The following TAFA5 variants were observed in gnomAD, a reference collection of about 807,000 sequenced individuals.
TAFA5 encodes the protein TAFA chemokine like family member 5.
TAFA5 carries 6 observed loss-of-function variants against 15.3 expected under a neutral mutation model. The ratio of observed to expected loss-of-function variants is 0.39; its 90% confidence interval spans 0.21 to 0.77. TAFA5 has a LOEUF of 0.77. Ranked by LOEUF, TAFA5 falls within the 30% of genes least tolerant of loss-of-function variation. The pLI is 0.41. For missense variants in TAFA5, 161 were observed against 193.1 expected, an observed-to-expected ratio of 0.83 and a Z score of 0.98; for synonymous variants, 103 against 80.7, an observed-to-expected ratio of 1.28 and a Z score of -1.48.
At chr22:48,661,466 CG>C (rs1927438421) in intron 2 of TAFA5, among the ~76,000 whole-genome samples, 1 of 152,182 alleles carries the variant, frequency 6.6e-6, no homozygotes, top group Admixed American at 6.5e-5. Flanking sequence ...GCCGGTGCCC[CG>C]AGGGTTTGTC....
At chr22:48,701,163 C>T (rs886985450) in intron 2 of TAFA5, among the ~76,000 whole-genome samples, 7 of 152,190 alleles carry the variant, frequency 4.6e-5, no homozygotes, top group African/African-American at 1.2e-4. Flanking sequence ...AGGACCGGCT[C>T]CTTCCATCCA....
chr22:48,528,863 C>A (rs1236970001), intron 1 of TAFA5, among the ~76,000 whole-genome samples: 2 of 152,114 alleles, frequency 1.3e-5, no homozygotes, highest in African/African-American at 4.8e-5. Flanking sequence ...TTCCTTGGGG[C>A]CCAGAGGCCC....
At chr22:48,547,874 G>A (rs751506860) in intron 1 of TAFA5, among the ~76,000 whole-genome samples, 27 of 152,194 alleles carry the variant, frequency 1.8e-4, no homozygotes, top group South Asian at 1.7e-3. Flanking sequence ...AAATGTCACC[G>A]TTAACTATTG....
At chr22:48,506,784 CA>C (rs1921008712) in intron 1 of TAFA5, among the ~76,000 whole-genome samples, 1 of 152,204 alleles carries the variant, frequency 6.6e-6, no homozygotes, top group Non-Finnish European at 1.5e-5. Context: ...CGGGGGTCCC[CA>C]ACCACCAGGA....
chr22:48,614,571 C>G (rs998626230), intron 1 of TAFA5, among the ~76,000 whole-genome samples: 1 of 152,140 alleles, frequency 6.6e-6, no homozygotes, highest in African/African-American at 2.4e-5. Flanking sequence ...CTCCTTGCCT[C>G]GTGGTTAAAG....
intron 3 of TAFA5, among the ~76,000 whole-genome samples, chr22:48,729,310 A>G (rs1183667662): frequency 1.5e-5 from 2 of 135,020 alleles, no homozygotes; most frequent in African/African-American, 5.2e-5. Flanking sequence ...TTATTTATAA[A>G]TATATAATAT....
At chr22:48,513,595 A>T (rs1414438075) in intron 1 of TAFA5, among the ~76,000 whole-genome samples, 1 of 152,226 alleles carries the variant, frequency 6.6e-6, no homozygotes, top group Non-Finnish European at 1.5e-5. Context: ...CAGTGCTCTG[A>T]GCGAGACATG....
chr22:48,619,819 G>T (rs1235336485), intron 1 of TAFA5, among the ~76,000 whole-genome samples: 2 of 152,222 alleles, frequency 1.3e-5, no homozygotes, highest in Non-Finnish European at 2.9e-5. Flanking sequence ...GCATGCTGGG[G>T]TGGGAAGCGC....
chr22:48,586,564 G>A (rs542510288), intron 1 of TAFA5, among the ~76,000 whole-genome samples: 5 of 152,372 alleles, frequency 3.3e-5, no homozygotes, highest in African/African-American at 4.8e-5. Flanking sequence ...AGTGCTGGGC[G>A]TGTCTGTGGA....
intron 2 of TAFA5, among the ~76,000 whole-genome samples, chr22:48,681,515 G>A (rs1928185972): frequency 2.7e-5 from 4 of 150,536 alleles, no homozygotes; most frequent in Admixed American, 2.0e-4. Flanking sequence ...ATTAGGCGTG[G>A]GGGTAGGTGC....
chr22:48,632,098 A>G (rs1234002580), intron 1 of TAFA5, among the ~76,000 whole-genome samples: 1 of 152,174 alleles, frequency 6.6e-6, no homozygotes, highest in Non-Finnish European at 1.5e-5. Flanking sequence ...TGGTCTTCCT[A>G]AAGGTCATCT....
chr22:48,568,721 G>A (rs1026665909), intron 1 of TAFA5, among the ~76,000 whole-genome samples: 1 of 152,256 alleles, frequency 6.6e-6, no homozygotes, highest in African/African-American at 2.4e-5. Context: ...AACGGTGGCT[G>A]GAGCTGTGAC....
intron 3 of TAFA5, among the ~76,000 whole-genome samples, chr22:48,739,560 T>C (rs543024112): frequency 6.6e-6 from 1 of 152,290 alleles, no homozygotes; most frequent in African/African-American, 2.4e-5. Context: ...AGGTGCTGTG[T>C]CCTCTGGGGT....
intron 1 of TAFA5, among the ~76,000 whole-genome samples, chr22:48,583,841 G>A (rs1372378819): frequency 1.5e-5 from 2 of 132,438 alleles, no homozygotes; most frequent in Non-Finnish European, 3.3e-5. Context: ...ATATACACAC[G>A]CCACACAAAA....
intron 1 of TAFA5, among the ~76,000 whole-genome samples, chr22:48,574,882 CG>C (rs1461979952): frequency 6.6e-6 from 1 of 152,116 alleles, no homozygotes; most frequent in East Asian, 1.9e-4. Flanking sequence ...TTCCTAGAGG[CG>C]GGAAGGGAGG....
chr22:48,640,621 C>T (rs1234104642), intron 1 of TAFA5, among the ~76,000 whole-genome samples: 5 of 152,120 alleles, frequency 3.3e-5, no homozygotes, highest in Admixed American at 1.3e-4. Flanking sequence ...AGAGGCTGGG[C>T]GGGGGCTCCT....
At chr22:48,546,815 G>T in intron 1 of TAFA5, 1 of 339,474 alleles carries the variant, frequency 2.9e-6, no homozygotes, top group Non-Finnish European at 5.9e-6. Context: ...ACCGGCTCTG[G>T]TCACTTCCAG....
intron 1 of TAFA5, among the ~76,000 whole-genome samples, chr22:48,614,581 G>A (rs890296126): frequency 1.3e-5 from 2 of 152,206 alleles, no homozygotes; most frequent in African/African-American, 4.8e-5. Flanking sequence ...CGTGGTTAAA[G>A]GGATGCAGAG....
chr22:48,625,946 G>A (rs1926012464), intron 1 of TAFA5, among the ~76,000 whole-genome samples: 1 of 152,186 alleles, frequency 6.6e-6, no homozygotes, highest in Non-Finnish European at 1.5e-5. Flanking sequence ...GATTCATAGT[G>A]CATGCAGCCG....
Sources: allele counts gnomAD v4.1 joint callset (sites outside exome capture counted in the v4.1 genomes callset), GRCh38; gene constraint gnomAD v4.1.1; transcripts MANE v1.5; gene names NCBI Gene and HGNC (gene_info 2026-07-23, HGNC 2026-07-21).